FYN: variants seen among roughly 807,000 people sequenced by gnomAD.
The protein encoded by FYN is tyrosine-protein kinase Fyn.
Under a neutral mutation model 70.2 loss-of-function variants are expected in FYN, and 10 were observed. That is an observed-to-expected ratio of 0.14 (90% CI 0.09 to 0.24). The LOEUF is 0.24. Among genes scored for constraint, FYN ranks in the 10% least tolerant of loss-of-function variants. The probability of loss-of-function intolerance (pLI) is 1.00; values close to 1 mark genes in which losing one functional copy is unlikely to be tolerated. For synonymous variants in FYN, 236 were observed against 248.6 expected, an observed-to-expected ratio of 0.95 and a Z score of 0.48; for missense variants, 319 against 673.1, an observed-to-expected ratio of 0.47 and a Z score of 5.82.
intron 2 of FYN, among the ~76,000 whole-genome samples, chr6:111,845,362 G>C (rs1449536562): frequency 3.3e-5 from 5 of 152,242 alleles, no homozygotes; most frequent in African/African-American, 1.2e-4. Context: ...AGTGCATGCG[G>C]ATTCTAAAAA....
At chr6:111,848,744 C>CT (rs1307378251) in intron 1 of FYN, among the ~76,000 whole-genome samples, 1 of 152,102 alleles carries the variant, frequency 6.6e-6, no homozygotes, top group Admixed American at 6.5e-5. Flanking sequence ...GTGGCATTTG[C>CT]TTTTAAAACC....
chr6:111,735,066 T>C (rs189702577), intron 3 of FYN, among the ~76,000 whole-genome samples: 5 of 152,226 alleles, frequency 3.3e-5, no homozygotes, highest in Admixed American at 3.3e-4. Context: ...AGGGAGGAGA[T>C]GGGCACTGCA....
At chr6:111,728,739 A>G (rs1801305473) in intron 3 of FYN, among the ~76,000 whole-genome samples, 1 of 152,212 alleles carries the variant, frequency 6.6e-6, no homozygotes, top group South Asian at 2.1e-4. Flanking sequence ...TTGTTTATCT[A>G]TTCATCAACT....
At chr6:111,791,620 G>C (rs915214991) in intron 2 of FYN, among the ~76,000 whole-genome samples, 1 of 152,188 alleles carries the variant, frequency 6.6e-6, no homozygotes, top group Non-Finnish European at 1.5e-5. Context: ...GCCAAGAAAG[G>C]AATGCCAAGG....
At chr6:111,664,314 C>A (rs1463984239) in intron 13 of FYN, among the ~76,000 whole-genome samples, 1 of 152,042 alleles carries the variant, frequency 6.6e-6, no homozygotes, top group Non-Finnish European at 1.5e-5. Context: ...CGGTTACAGC[C>A]CCTGAAACGC....
chr6:111,719,483 T>A (rs764696485), intron 4 of FYN, among the ~76,000 whole-genome samples: 1 of 152,168 alleles, frequency 6.6e-6, no homozygotes, highest in Non-Finnish European at 1.5e-5. Flanking sequence ...AAGGCTGCCC[T>A]AGTTCTTCTG....
intron 2 of FYN, among the ~76,000 whole-genome samples, chr6:111,811,979 A>G (rs890151257): frequency 2.0e-5 from 3 of 152,174 alleles, no homozygotes; most frequent in Admixed American, 2.0e-4. Context: ...ACTGGCTCCA[A>G]GGGACCACGT....
intron 8 of FYN, among the ~76,000 whole-genome samples, chr6:111,702,034 C>A (rs1799863632): frequency 6.6e-6 from 1 of 151,996 alleles, no homozygotes. Flanking sequence ...TTGCCTTTGT[C>A]CTGGAGAACA....
intron 3 of FYN, among the ~76,000 whole-genome samples, chr6:111,736,673 T>C (rs961224505): frequency 2.0e-5 from 3 of 152,188 alleles, no homozygotes; most frequent in Non-Finnish European, 2.9e-5. Flanking sequence ...TGACTCGACA[T>C]GCTGATTTCC....
chr6:111,752,390 G>A (rs1314765909), intron 3 of FYN, among the ~76,000 whole-genome samples: 2 of 152,230 alleles, frequency 1.3e-5, no homozygotes, highest in African/African-American at 4.8e-5. Flanking sequence ...TTCTATGCAA[G>A]ACAATTGTCA....
At chr6:111,721,736 G>A (rs1263094228) in intron 3 of FYN, among the ~76,000 whole-genome samples, 1 of 151,910 alleles carries the variant, frequency 6.6e-6, no homozygotes, top group East Asian at 1.9e-4. Flanking sequence ...AGTGTACCTT[G>A]CATTTTAAAA....
chr6:111,761,636 TC>T (rs1199119535), intron 3 of FYN, among the ~76,000 whole-genome samples: 4 of 152,040 alleles, frequency 2.6e-5, no homozygotes, highest in Admixed American at 2.6e-4. Flanking sequence ...TCCAAGTGGC[TC>T]CCTCCTCCAC....
In FYN at chr6:111,788,114, G is replaced by A. The variant is rs551384279; in HGVS notation, c.-81-7479C>T. On this transcript the variant is annotated intron_variant, in intron 2 of 13. Coordinates refer to ENST00000354650, the MANE Select transcript of FYN (RefSeq NM_002037.5). ...CAACCTGTCCCTCAAGCCAGCTCTC[G>A]TATAAATCCCTCCCTGAAGTTCTTG... 8.7e-4 allele frequency among the ~76,000 whole-genome samples: 133 copies of A among 152,184 alleles called. 1 individual carries two copies. The highest frequency in any genetic ancestry group is 2.3e-3 in the African/African-American group (94 of 41,530).
intron 3 of FYN, among the ~76,000 whole-genome samples, chr6:111,759,600 C>T (rs79192451): frequency 6.6e-5 from 10 of 152,278 alleles, no homozygotes; most frequent in East Asian, 5.8e-4. Context: ...TGGTTCCCCC[C>T]CTAGGGGTTC....
chr6:111,768,425 G>T (rs979930455), intron 3 of FYN, among the ~76,000 whole-genome samples: 3 of 152,104 alleles, frequency 2.0e-5, no homozygotes, highest in Non-Finnish European at 4.4e-5. Flanking sequence ...AAATTTATAT[G>T]CATGTGTACA....
intron 2 of FYN, among the ~76,000 whole-genome samples, chr6:111,807,958 A>G (rs528444698): frequency 6.6e-6 from 1 of 152,166 alleles, no homozygotes; most frequent in African/African-American, 2.4e-5. Flanking sequence ...AAATACAAAA[A>G]TTAGCCAGGT....
chr6:111,764,026 A>T (rs1803110665), intron 3 of FYN, among the ~76,000 whole-genome samples: 1 of 152,164 alleles, frequency 6.6e-6, no homozygotes, highest in African/African-American at 2.4e-5. Flanking sequence ...TTGGTCAAAA[A>T]TAATGACAAC....
intron 5 of FYN, among the ~76,000 whole-genome samples, chr6:111,712,943 G>A (rs927564157): frequency 6.6e-6 from 1 of 152,056 alleles, no homozygotes; most frequent in African/African-American, 2.4e-5. Context: ...CAGTAAGTAC[G>A]TTCACACTGT....
intron 3 of FYN, among the ~76,000 whole-genome samples, chr6:111,762,742 GA>G (rs1803058331): frequency 1.3e-5 from 2 of 151,946 alleles, no homozygotes; most frequent in Admixed American, 6.6e-5. Context: ...GGCCACACTG[GA>G]AGAACTGCCT....
Sources: gnomAD v4.1 joint callset for allele counts (sites outside exome capture counted in the v4.1 genomes callset) on GRCh38, gnomAD v4.1.1 for gene constraint, MANE v1.5 for transcripts, NCBI Gene and HGNC (gene_info 2026-07-23, HGNC 2026-07-21) for gene names.